The following PFKL variants were observed in gnomAD, a reference collection of about 807,000 sequenced individuals.
The protein encoded by PFKL is phosphofructokinase, liver type, also known as ATP-dependent 6-phosphofructokinase, liver type.
In PFKL, 74 loss-of-function variants were observed where a neutral mutation model predicts 92.1. The observed-to-expected ratio is 0.80, with a 90% CI of 0.67 to 0.97. The LOEUF (loss-of-function observed/expected upper bound fraction) is 0.97. PFKL is among the 50% of genes least tolerant of loss of function. PFKL has a pLI of 0.00. For missense variants in PFKL, 1,028 were observed against 1,116.6 expected, an observed-to-expected ratio of 0.92 and a Z score of 1.13; for synonymous variants, 494 against 456.4, an observed-to-expected ratio of 1.08 and a Z score of -1.05.
intron 11 of PFKL, 107 bp from the exon 12 acceptor site, chr21:44,319,977 C>A: frequency 1.0e-6 from 1 of 958,350 alleles, no homozygotes; most frequent in Non-Finnish European, 1.7e-6. Flanking sequence ...GAGCTTCCAT[C>A]GGGCCGTGTG....
At chr21:44,304,198 A>G in intron 1 of PFKL, 4 of 1,285,106 alleles carry the variant, frequency 3.1e-6, no homozygotes, top group Non-Finnish European at 4.1e-6. Context: ...TTTATTTTGC[A>G]GAGCACCCTG....
chr21:44,325,112 G>T (rs771319476), intron 18 of PFKL, 41 bp from the exon 19 acceptor site: 1 of 1,433,610 alleles, frequency 7.0e-7, no homozygotes, highest in Non-Finnish European at 9.8e-7. Flanking sequence ...GGGGAGACCT[G>T]AACTCGTTCC....
At chr21:44,318,621 A>G in intron 10 of PFKL, 26 bp downstream of exon 10, 1 of 1,446,426 alleles carries the variant, frequency 6.9e-7, no homozygotes, top group Non-Finnish European at 9.2e-7. Flanking sequence ...CCCCCATCAG[A>G]ACCGCCTGGC....
intron 4 of PFKL, 32 bp from the exon 5 acceptor site, chr21:44,312,946 T>A: frequency 3.7e-6 from 6 of 1,608,840 alleles, no homozygotes; most frequent in Non-Finnish European, 5.1e-6. Flanking sequence ...CAGTGGAGCC[T>A]CAGCCAGGTC....
At chr21:44,305,463 G>T in intron 1 of PFKL, 1 of 1,299,294 alleles carries the variant, frequency 7.7e-7, no homozygotes, top group Non-Finnish European at 1.0e-6. Flanking sequence ...GGGAGGGCAG[G>T]GGCTTTTGAG....
intron 1 of PFKL, chr21:44,305,901 G>A: frequency 7.3e-7 from 1 of 1,364,478 alleles, no homozygotes. Context: ...TGACCTCAGA[G>A]CCTGGTGGCA....
chr21:44,319,061 C>T (rs1417413804), intron 10 of PFKL, among the ~76,000 whole-genome samples: 1 of 152,030 alleles, frequency 6.6e-6, no homozygotes, highest in Non-Finnish European at 1.5e-5. Flanking sequence ...CCAGCCCTGG[C>T]TCGGTGGGTT....
At chr21:44,326,368 C>G in intron 21 of PFKL, 104 bp downstream of exon 21, 6 of 857,538 alleles carry the variant, frequency 7.0e-6, no homozygotes, top group Non-Finnish European at 9.2e-6. Flanking sequence ...ACCCTGACCC[C>G]GCAAGGCCTC....
chr21:44,316,697 G>GGTGT (rs1200954243), intron 9 of PFKL, among the ~76,000 whole-genome samples, 173 bp downstream of exon 9: 3 of 151,834 alleles, frequency 2.0e-5, no homozygotes, highest in African/African-American at 7.3e-5. Context: ...GGTCCTTGTG[G>GGTGT]GTGTGTCTGT....
intron 1 of PFKL, among the ~76,000 whole-genome samples, 181 bp downstream of exon 1, chr21:44,300,371 C>G (rs1483378163): frequency 6.6e-6 from 1 of 151,894 alleles, no homozygotes; most frequent in African/African-American, 2.4e-5. Context: ...GGCGCGGTCT[C>G]CGGCCTACGT....
intron 20 of PFKL, 40 bp from the exon 21 acceptor site, chr21:44,326,119 G>C (rs780699890): frequency 6.2e-7 from 1 of 1,605,982 alleles, no homozygotes; most frequent in East Asian, 2.2e-5. Flanking sequence ...CCTGGGGCAG[G>C]GCCTCACCAT....
At chr21:44,302,002 T>C (rs759204974) in intron 1 of PFKL, among the ~76,000 whole-genome samples, 11 of 152,284 alleles carry the variant, frequency 7.2e-5, no homozygotes, top group Middle Eastern at 6.8e-3. Flanking sequence ...CGGTTCTGGA[T>C]GCTGGTGGAG....
intron 1 of PFKL, among the ~76,000 whole-genome samples, chr21:44,301,855 G>T (rs900392819): frequency 1.3e-5 from 2 of 152,122 alleles, no homozygotes; most frequent in African/African-American, 4.8e-5. Flanking sequence ...GAGAGCCTGG[G>T]GTGGCACGTG....
In PFKL at chr21:44,321,878, G is replaced by A. The variant is rs760348756; in HGVS notation, c.1338+3G>A. 2 of 1,529,106 alleles carry A rather than the reference G, an allele frequency of 1.3e-6. No individual in the cohort carries two copies. Among genetic ancestry groups the A allele is most frequent in the Non-Finnish European group, 1.8e-6 (2 of 1,136,018 alleles). The allele number at this position is 1,529,106 out of a possible 1,614,324, so 94.7% of individuals were successfully genotyped here. Reference sequence around the variant, plus strand: ...TCGAAGGCCTAGCCAAGGGTCAGGTGGGTCCGGCCGGGGCAAACAAGTGAG... The same window carrying A: ...TCGAAGGCCTAGCCAAGGGTCAGGTAGGTCCGGCCGGGGCAAACAAGTGAG... On this transcript the variant is annotated splice_donor_region_variant and intron_variant, in intron 13 of 21. Coordinates refer to ENST00000349048, the MANE Select transcript of PFKL (RefSeq NM_002626.6).
At chr21:44,316,118 G>C in intron 7 of PFKL, 126 bp from the exon 8 acceptor site, 1 of 809,092 alleles carries the variant, frequency 1.2e-6, no homozygotes, top group South Asian at 1.5e-5. Context: ...CTGCTGGGTG[G>C]GGATTGTGCC....
chr21:44,304,729 C>T (rs1385807991), intron 1 of PFKL, among the ~76,000 whole-genome samples: 1 of 91,482 alleles, frequency 1.1e-5, no homozygotes, highest in Admixed American at 1.7e-4. Context: ...GCTTGGCTGT[C>T]TGCGGGGGGC....
chr21:44,319,414 G>C lies in PFKL; in HGVS notation c.1126G>C (p.Gly376Arg), dbSNP rs2047301613. Residue 376 changes from glycine (G) to arginine (R), a missense_variant and splice_region_variant, in exon 11 of 22, where the codon GGG becomes CGG. Gly to Arg is a moderately radical substitution (Grantham distance 125, BLOSUM62 -2). Transcript: ENST00000349048. ...RFDEATQLRG[G>R]SFENNWNIYK... ...TGACGAGGCCACCCAGCTCCGTGGT[G>C]GGTAAGCCCCCTCAGCAGACCCCTG... 12 of 1,612,968 alleles carry C rather than the reference G, an allele frequency of 7.4e-6. No individual in the cohort carries two copies. Among genetic ancestry groups the C allele is most frequent in the Non-Finnish European group, 1.0e-5 (12 of 1,179,422 alleles).
chr21:44,326,597 C>T, intron 21 of PFKL, 118 bp from the exon 22 acceptor site: 1 of 1,273,734 alleles, frequency 7.9e-7, no homozygotes, highest in Non-Finnish European at 1.1e-6. Flanking sequence ...CCGAGATGTT[C>T]AGACAGAGGG....
intron 2 of PFKL, among the ~76,000 whole-genome samples, chr21:44,309,785 G>A (rs1269695849): frequency 6.6e-6 from 1 of 152,350 alleles, no homozygotes; most frequent in Non-Finnish European, 1.5e-5. Context: ...GGCCTGAGCC[G>A]GAGGAAGTAG....
Sources: gnomAD v4.1 joint callset for allele counts (sites outside exome capture counted in the v4.1 genomes callset) on GRCh38, gnomAD v4.1.1 for gene constraint, MANE v1.5 for transcripts, NCBI Gene and HGNC (gene_info 2026-07-23, HGNC 2026-07-21) for gene names.